Variants in PCNX2 observed in about 807,000 individuals in gnomAD.
PCNX2 encodes the protein pecanex 2.
In PCNX2, 168 loss-of-function variants were observed where a neutral mutation model predicts 223.8. The observed-to-expected ratio is 0.75, with a 90% CI of 0.66 to 0.85. The LOEUF is 0.85. Among genes scored for constraint, PCNX2 ranks in the 40% least tolerant of loss-of-function variants. The pLI, the probability that PCNX2 is intolerant of heterozygous loss-of-function variation, is 0.00. For synonymous variants in PCNX2, 1,006 were observed against 1,052.6 expected (o/e 0.96, Z 0.86); for missense variants, 2,507 against 2,675.5 (o/e 0.94, Z 1.39).
chr1:233,111,977 CT>C (rs1675142854), intron 21 of PCNX2, among the ~76,000 whole-genome samples: 1 of 152,194 alleles, frequency 6.6e-6, no homozygotes, highest in South Asian at 2.1e-4. Context: ...CATGTCACAT[CT>C]TTGCAATTGC....
At chr1:233,306,837 A>G in the PCNX2 span, among the ~76,000 whole-genome samples, 80,421 of 152,010 alleles carry the variant, frequency 0.53, 21,992 homozygotes, top group African/African-American at 0.65. Flanking sequence ...AGGGCTTCTG[A>G]ATGAAAACAT....
At chr1:233,142,875 T>A (rs1677212340) in intron 19 of PCNX2, among the ~76,000 whole-genome samples, 2 of 152,158 alleles carry the variant, frequency 1.3e-5, no homozygotes, top group Admixed American at 1.3e-4. Context: ...CAGCTTGTGC[T>A]CAAACCTTTT....
At chr1:233,011,535 T>C (rs1670469711) in intron 28 of PCNX2, among the ~76,000 whole-genome samples, 1 of 152,232 alleles carries the variant, frequency 6.6e-6, no homozygotes, top group Non-Finnish European at 1.5e-5. Context: ...AAGAAGAATC[T>C]GAGCAGACTA....
intron 23 of PCNX2, 44 bp from the exon 24 acceptor site, chr1:233,057,334 C>T (rs576413459): frequency 8.1e-6 from 12 of 1,480,984 alleles, no homozygotes; most frequent in Admixed American, 1.8e-5. Flanking sequence ...ATTAGATCCC[C>T]CCAAGCAGAA....
intron 23 of PCNX2, among the ~76,000 whole-genome samples, chr1:233,069,525 T>C (rs1672757628): frequency 6.6e-6 from 1 of 152,012 alleles, no homozygotes; most frequent in African/African-American, 2.4e-5. Context: ...CCAACCATAA[T>C]GGACTTAAAC....
Position 233,095,287 on chromosome 1 carries a change from A to G in PCNX2, c.3946+468T>C, listed in dbSNP as rs551668464. 4 of 153,956 alleles carry G rather than the reference A, an allele frequency of 2.6e-5. No homozygotes were observed. The South Asian group carries it at 8.1e-4, about 31-fold the overall frequency. 9.5% of individuals were successfully genotyped at this position (153,956 alleles called of 1,614,324 possible). On this transcript the variant is annotated intron_variant, in intron 22 of 33. Transcript: ENST00000258229. ...CATAATTTAATTTTTTAGTCTTCCC[A>G]ATGCTGTTTGTACCTAATCTTGTGT...
intron 19 of PCNX2, among the ~76,000 whole-genome samples, chr1:233,147,259 A>G (rs1171196142): frequency 6.6e-6 from 1 of 152,214 alleles, no homozygotes; most frequent in African/African-American, 2.4e-5. Flanking sequence ...CAGAAGCCTC[A>G]CTGGTAACAT....
At chr1:233,241,358 G>A (rs1034551654) in intron 8 of PCNX2, 7 of 985,322 alleles carry the variant, frequency 7.1e-6, no homozygotes, top group African/African-American at 3.5e-5. Flanking sequence ...ATGCCCCAGA[G>A]AACAAAAGTC....
At chr1:233,223,116 T>C (rs1247541517) in intron 10 of PCNX2, among the ~76,000 whole-genome samples, 3 of 152,176 alleles carry the variant, frequency 2.0e-5, no homozygotes, top group Non-Finnish European at 2.9e-5. Context: ...CTTCCCTTCC[T>C]ATGTAGCAGT....
At chr1:233,319,647 G>A in the PCNX2 span, among the ~76,000 whole-genome samples, 1 of 152,180 alleles carries the variant, frequency 6.6e-6, no homozygotes, top group African/African-American at 2.4e-5. Context: ...AGGGTCTTAT[G>A]CCCTCACTTG....
chr1:233,199,954 C>G (rs1572062988), intron 14 of PCNX2, among the ~76,000 whole-genome samples, 200 bp downstream of exon 14: 1 of 152,134 alleles, frequency 6.6e-6, no homozygotes, highest in East Asian at 1.9e-4. Context: ...TACGCTCAAC[C>G]AAGCTAAGTG....
chr1:233,059,810 T>C (rs1428447533), intron 23 of PCNX2, among the ~76,000 whole-genome samples: 1 of 152,220 alleles, frequency 6.6e-6, no homozygotes, highest in Non-Finnish European at 1.5e-5. Context: ...CATTGACATA[T>C]TCTGTATAAT....
intron 17 of PCNX2, among the ~76,000 whole-genome samples, chr1:233,163,211 C>T (rs558732700): frequency 5.3e-5 from 8 of 152,198 alleles, no homozygotes; most frequent in South Asian, 4.2e-4. Context: ...TTAGGCCGGG[C>T]GCTGTGGCTC....
intron 23 of PCNX2, among the ~76,000 whole-genome samples, chr1:233,074,872 A>G (rs1441145876): frequency 6.6e-6 from 1 of 152,142 alleles, no homozygotes; most frequent in Non-Finnish European, 1.5e-5. Context: ...CCAATGAGCT[A>G]TCACTGTATA....
At chr1:232,985,695 C>G (rs779996967) in intron 33 of PCNX2, 3 of 475,396 alleles carry the variant, frequency 6.3e-6, no homozygotes, top group Non-Finnish European at 1.1e-5. Flanking sequence ...CAGTGAAGCT[C>G]TAACTCCAGC....
chr1:233,285,787 T>C (rs1017865687), intron 1 of PCNX2, among the ~76,000 whole-genome samples: 1 of 152,240 alleles, frequency 6.6e-6, no homozygotes, highest in African/African-American at 2.4e-5. Context: ...ATACAACTAA[T>C]GGCATTAGGT....
At chr1:232,997,336 T>TA (rs1669911930) in intron 32 of PCNX2, among the ~76,000 whole-genome samples, 1 of 152,260 alleles carries the variant, frequency 6.6e-6, no homozygotes, top group Non-Finnish European at 1.5e-5. Context: ...GCATACATCC[T>TA]ACTGTCTCTG....
chr1:233,054,827 A>C (rs540129757), intron 24 of PCNX2: 1 of 155,988 alleles, frequency 6.4e-6, no homozygotes, highest in East Asian at 1.8e-4. Flanking sequence ...ATATAAATGG[A>C]TACCATTTGT....
chr1:233,298,034 G>A (rs1004106853), upstream of PCNX2, among the ~76,000 whole-genome samples: 3 of 152,154 alleles, frequency 2.0e-5, no homozygotes, highest in East Asian at 5.8e-4. Flanking sequence ...TTGAGTTGCT[G>A]AGGGACTTTG....
Sources: gnomAD v4.1 joint callset for allele counts (sites outside exome capture counted in the v4.1 genomes callset) on GRCh38, gnomAD v4.1.1 for gene constraint, MANE v1.5 for transcripts, NCBI Gene and HGNC (gene_info 2026-07-23, HGNC 2026-07-21) for gene names.